GRID1: variants seen among roughly 807,000 people sequenced by gnomAD.
GRID1 encodes glutamate ionotropic receptor delta type subunit 1, also known as glutamate receptor ionotropic, delta-1.
Under a neutral mutation model 98.0 loss-of-function variants are expected in GRID1, and 28 were observed. The observed-to-expected ratio is 0.29, with a 90% CI of 0.21 to 0.39. The LOEUF is 0.39. GRID1 is among the 10% of genes least tolerant of loss of function. The pLI is 1.00. For missense variants in GRID1, 1,111 were observed against 1,340.5 expected, an observed-to-expected ratio of 0.83 and a Z score of 2.67; for synonymous variants, 553 against 538.5, an observed-to-expected ratio of 1.03 and a Z score of -0.37.
chr10:86,217,712 C>T (rs1378941858), intron 2 of GRID1, among the ~76,000 whole-genome samples: 1 of 152,186 alleles, frequency 6.6e-6, no homozygotes, highest in East Asian at 1.9e-4. Context: ...GCCATGGGAA[C>T]AGAGAATGTC....
intron 8 of GRID1, among the ~76,000 whole-genome samples, chr10:85,772,936 C>G (rs1428113778): frequency 6.6e-6 from 1 of 152,076 alleles, no homozygotes; most frequent in African/African-American, 2.4e-5. Context: ...CTATTCCAAT[C>G]AATAGAAAAA....
At chr10:86,190,235 G>A (rs1845781917) in intron 3 of GRID1, among the ~76,000 whole-genome samples, 1 of 152,170 alleles carries the variant, frequency 6.6e-6, no homozygotes, top group Non-Finnish European at 1.5e-5. Context: ...CTGACATGTG[G>A]CACTTACTGG....
At chr10:86,263,512 C>T (rs1847053263) in intron 2 of GRID1, among the ~76,000 whole-genome samples, 2 of 152,220 alleles carry the variant, frequency 1.3e-5, no homozygotes, top group Non-Finnish European at 2.9e-5. Flanking sequence ...CAGAACAAGC[C>T]GCCCCCTTCG....
intron 4 of GRID1, among the ~76,000 whole-genome samples, chr10:86,130,240 G>T (rs1358917163): frequency 6.6e-6 from 1 of 152,124 alleles, no homozygotes; most frequent in African/African-American, 2.4e-5. Context: ...TCTCTCCAAG[G>T]GGACTGGCAG....
chr10:85,863,626 A>AC (rs961254988), intron 6 of GRID1, among the ~76,000 whole-genome samples: 14 of 151,810 alleles, frequency 9.2e-5, no homozygotes, highest in African/African-American at 3.1e-4. Context: ...AAGCATATAA[A>AC]CCCCCCATGA....
intron 2 of GRID1, among the ~76,000 whole-genome samples, chr10:86,336,773 T>C (rs1848227413): frequency 6.6e-6 from 1 of 151,946 alleles, no homozygotes; most frequent in Non-Finnish European, 1.5e-5. Flanking sequence ...GTTGTGTTAT[T>C]TCATGTAAGC....
chr10:86,144,623 T>C (rs113863507), intron 3 of GRID1, among the ~76,000 whole-genome samples: 1,550 of 152,246 alleles, frequency 0.01, 11 homozygotes, highest in Non-Finnish European at 0.016. Flanking sequence ...CCTCGGTCTT[T>C]GTCTTCCACG....
At chr10:85,929,265 T>A (rs913626232) in intron 4 of GRID1, among the ~76,000 whole-genome samples, 1 of 152,166 alleles carries the variant, frequency 6.6e-6, no homozygotes, top group African/African-American at 2.4e-5. Context: ...CAGATCCCCT[T>A]GAATCTTGAG....
In GRID1 at chr10:85,856,333, G is replaced by A. The variant is rs914131189; in HGVS notation, c.952-143C>T. ...TCTATGCCAAGATCCTCGGCTTTTA[G>A]GTGTACTTTCAAAAACCCAGCCAGC... On this transcript the variant is annotated intron_variant, in intron 6 of 15. Transcript: ENST00000327946. The A allele has an allele frequency of 1.5e-5, 11 of 736,922 alleles. No individual in the cohort carries two copies. The Admixed American group carries it at 3.0e-4, about 20-fold the overall frequency. The allele number at this position is 736,922 out of a possible 1,614,324, so 45.6% of individuals were successfully genotyped here. A position where few individuals can be genotyped will look rare whatever the true frequency, so the allele number is the denominator to read the frequency against.
chr10:86,055,846 G>A (rs562342908), intron 4 of GRID1, among the ~76,000 whole-genome samples: 1 of 136,854 alleles, frequency 7.3e-6, no homozygotes, highest in Admixed American at 7.1e-5. Context: ...TCTCATGTGA[G>A]GACACAGAAA....
intron 4 of GRID1, among the ~76,000 whole-genome samples, chr10:86,000,383 A>G (rs1048146955): frequency 1.3e-5 from 2 of 152,216 alleles, no homozygotes; most frequent in African/African-American, 4.8e-5. Flanking sequence ...AAATTGGTCT[A>G]TAGGTAACAA....
At chr10:85,918,178 C>T (rs957593909) in intron 4 of GRID1, among the ~76,000 whole-genome samples, 1 of 152,194 alleles carries the variant, frequency 6.6e-6, no homozygotes, top group Admixed American at 6.5e-5. Context: ...GATGTCATAA[C>T]ATCTCAGTGG....
chr10:86,329,365 AC>A (rs1269042739), intron 2 of GRID1, among the ~76,000 whole-genome samples: 2 of 152,150 alleles, frequency 1.3e-5, no homozygotes, highest in African/African-American at 2.4e-5. Flanking sequence ...ACAACCGCCA[AC>A]CCCAACTAGC....
At chr10:85,730,797 G>A (rs1841813529) in intron 8 of GRID1, among the ~76,000 whole-genome samples, 2 of 152,148 alleles carry the variant, frequency 1.3e-5, no homozygotes, top group Admixed American at 1.3e-4. Flanking sequence ...CAGGGATTTT[G>A]TATGCACTTT....
In GRID1 at chr10:85,916,713, C is replaced by T. The variant is rs550020015; in HGVS notation, c.727-474G>A. On this transcript the variant is annotated intron_variant, in intron 4 of 15. Transcript: ENST00000327946. The surrounding 1 kb of genome is among the most constrained non-coding windows in gnomAD (Gnocchi z 4.0). ...GCAGCTCACAGCAGCTCTGGGGCTC[C>T]GAGTTTCCTTCAGTTCTTTAGGATC... 7.2e-5 allele frequency among the ~76,000 whole-genome samples: 11 copies of T among 152,288 alleles called. No individual in the cohort carries two copies. The highest frequency in any genetic ancestry group is 4.2e-4 in the South Asian group (2 of 4,816).
chr10:86,307,987 G>A (rs1450959778), intron 2 of GRID1, among the ~76,000 whole-genome samples: 1 of 152,130 alleles, frequency 6.6e-6, no homozygotes, highest in Non-Finnish European at 1.5e-5. Flanking sequence ...ATGCTGTGCA[G>A]GGGATCCCCG....
At chr10:85,738,254 T>C (rs1841906433) in intron 8 of GRID1, among the ~76,000 whole-genome samples, 1 of 152,160 alleles carries the variant, frequency 6.6e-6, no homozygotes, top group Admixed American at 6.5e-5. Context: ...GAGGAAGACA[T>C]GTGATAGGCC....
intron 8 of GRID1, among the ~76,000 whole-genome samples, chr10:85,745,926 A>C (rs981688698): frequency 6.6e-6 from 1 of 152,176 alleles, no homozygotes. Flanking sequence ...AGAGTGAAGA[A>C]ACAAAGAAGC....
chr10:85,700,658 T>C (rs902903111), intron 12 of GRID1, among the ~76,000 whole-genome samples: 3 of 152,108 alleles, frequency 2.0e-5, no homozygotes, highest in African/African-American at 7.2e-5. Flanking sequence ...GTAAAGGAAA[T>C]GAAAGTAATT....
Sources: gnomAD v4.1 joint callset for allele counts (sites outside exome capture counted in the v4.1 genomes callset) on GRCh38, gnomAD v4.1.1 for gene constraint, Gnocchi (gnomAD v3.1) non-coding constraint, MANE v1.5 for transcripts, NCBI Gene and HGNC (gene_info 2026-07-23, HGNC 2026-07-21) for gene names.